Variants in UGT1A8 observed in about 807,000 individuals in gnomAD.
UGT1A8 encodes UDP glucuronosyltransferase family 1 member A8.
A neutral mutation model predicts 45.3 loss-of-function variants in UGT1A8; 39 were observed. That is an observed-to-expected ratio of 0.86 (90% CI 0.67 to 1.12). The LOEUF (loss-of-function observed/expected upper bound fraction) is 1.12. Among genes scored for constraint, UGT1A8 ranks in the 50% most tolerant of loss-of-function variants. The probability of loss-of-function intolerance (pLI) is 0.00; values close to 1 mark genes in which losing one functional copy is unlikely to be tolerated. For synonymous variants in UGT1A8, 275 were observed against 249.2 expected, an observed-to-expected ratio of 1.10 and a Z score of -0.97; for missense variants, 719 against 664.9, an observed-to-expected ratio of 1.08 and a Z score of -0.90.
At chr2:233,711,416 G>C (rs1339296798) in intron 1 of UGT1A8, among the ~76,000 whole-genome samples, 1 of 152,236 alleles carries the variant, frequency 6.6e-6, no homozygotes, top group Non-Finnish European at 1.5e-5. Flanking sequence ...GGCTCATCAG[G>C]AGGGTGCTTA....
intron 1 of UGT1A8, among the ~76,000 whole-genome samples, chr2:233,681,594 C>T (rs530753313): frequency 6.7e-6 from 1 of 149,680 alleles, no homozygotes; most frequent in Admixed American, 6.6e-5. Flanking sequence ...AAATTATTAG[C>T]TTCGTTCAAA....
chr2:233,645,743 G>A (rs2073584589), intron 1 of UGT1A8, among the ~76,000 whole-genome samples: 1 of 152,218 alleles, frequency 6.6e-6, no homozygotes, highest in Admixed American at 6.5e-5. Flanking sequence ...CTGTGGCTTT[G>A]CAGGGTACAG....
intron 1 of UGT1A8, chr2:233,637,198 A>G (rs757815108): frequency 6.2e-7 from 1 of 1,613,918 alleles, no homozygotes; most frequent in South Asian, 1.1e-5. Context: ...TCTTTTTAGA[A>G]ATGCCCTAGA....
chr2:233,672,147 T>C, intron 1 of UGT1A8: 1 of 1,614,166 alleles, frequency 6.2e-7, no homozygotes, highest in Non-Finnish European at 8.5e-7. Flanking sequence ...GATCACTGAA[T>C]TGCACAGTGA....
chr2:233,672,783 G>A (rs1355332240), intron 1 of UGT1A8: 8 of 1,613,154 alleles, frequency 5.0e-6, no homozygotes, highest in African/African-American at 1.3e-5. Flanking sequence ...GAAAGCCGTT[G>A]CCTATGGTAA....
intron 1 of UGT1A8, chr2:233,672,906 G>C: frequency 6.6e-7 from 1 of 1,506,398 alleles, no homozygotes; most frequent in Non-Finnish European, 8.8e-7. Flanking sequence ...TTTCTTTCCA[G>C]TTTAACAAAT....
At chr2:233,715,882 C>G (rs576558461) in intron 1 of UGT1A8, among the ~76,000 whole-genome samples, 42 of 152,296 alleles carry the variant, frequency 2.8e-4, no homozygotes, top group African/African-American at 9.9e-4. Flanking sequence ...CCTGTGGCCC[C>G]AGCTACTTGG....
At chr2:233,725,897 G>A (rs2077482523) in intron 1 of UGT1A8, among the ~76,000 whole-genome samples, 1 of 152,122 alleles carries the variant, frequency 6.6e-6, no homozygotes, top group Admixed American at 6.5e-5. Flanking sequence ...GCAGGTGGGT[G>A]GCTCACACCT....
chr2:233,672,002 C>T (rs201395034), intron 1 of UGT1A8: 13 of 1,614,092 alleles, frequency 8.1e-6, no homozygotes, highest in African/African-American at 1.3e-5. Flanking sequence ...TGTGGCTTTG[C>T]CGAGGCAGGG....
chr2:233,679,085 T>C (rs77349740), intron 1 of UGT1A8, among the ~76,000 whole-genome samples: 3,806 of 152,324 alleles, frequency 0.025, 77 homozygotes, highest in Non-Finnish European at 0.035. Flanking sequence ...ACCTTTTCCA[T>C]AGAAAACTGT....
chr2:233,772,563 G>A lies in UGT1A8; in HGVS notation c.*4G>A. ...CCACAAATCCAAGACCCATTGAGAA[G>A]TGGGTGGGAAATAAGGTAAAATTTT... On this transcript the variant is annotated 3_prime_UTR_variant, in exon 5 of 5. Transcript: ENST00000373450. 2 of 1,613,538 alleles carry A rather than the reference G, an allele frequency of 1.2e-6. No homozygotes were observed. Among genetic ancestry groups the A allele is most frequent in the Middle Eastern group, 1.6e-4 (1 of 6,062 alleles).
chr2:233,643,435 G>A (rs988915961), intron 1 of UGT1A8, among the ~76,000 whole-genome samples: 1 of 152,012 alleles, frequency 6.6e-6, no homozygotes, highest in African/African-American at 2.4e-5. Flanking sequence ...CCTGAGACTT[G>A]CCCTTCAAGG....
chr2:233,659,873 C>A (rs987550324), intron 1 of UGT1A8, among the ~76,000 whole-genome samples: 2 of 152,194 alleles, frequency 1.3e-5, no homozygotes, highest in African/African-American at 2.4e-5. Flanking sequence ...AATTTATTTT[C>A]TGACACTGCT....
intron 1 of UGT1A8, among the ~76,000 whole-genome samples, chr2:233,650,607 A>G (rs1302867864): frequency 6.6e-6 from 1 of 151,926 alleles, no homozygotes; most frequent in Non-Finnish European, 1.5e-5. Context: ...TCTTTTGACC[A>G]TTTTTCCCAT....
At chr2:233,713,743 A>G (rs2076342174) in intron 1 of UGT1A8, 9 of 1,613,788 alleles carry the variant, frequency 5.6e-6, no homozygotes, top group Admixed American at 3.3e-5. Flanking sequence ...CTTGTCAGCC[A>G]TGCATCTGTG....
At chr2:233,691,789 A>G (rs1475336868) in intron 1 of UGT1A8, 1 of 250,072 alleles carries the variant, frequency 4.0e-6, no homozygotes, top group African/African-American at 2.3e-5. Flanking sequence ...TACTGGCTAG[A>G]CTTATACTTC....
At chr2:233,721,208 T>A (rs1235207261) in intron 1 of UGT1A8, among the ~76,000 whole-genome samples, 1 of 152,250 alleles carries the variant, frequency 6.6e-6, no homozygotes, top group Non-Finnish European at 1.5e-5. Context: ...ACTGGTTTTC[T>A]TTTCCCCTTA....
intron 1 of UGT1A8, chr2:233,729,638 T>G (rs2077898670): frequency 6.2e-7 from 1 of 1,613,806 alleles, no homozygotes; most frequent in Admixed American, 1.7e-5. Context: ...CCTACTGTGT[T>G]TTTTTTGAGG....
intron 1 of UGT1A8, chr2:233,671,712 T>C: frequency 1.0e-6 from 1 of 989,560 alleles, no homozygotes; most frequent in Non-Finnish European, 1.4e-6. Flanking sequence ...GCAAAGACCA[T>C]AAGCTACTGT....
Sources: allele counts gnomAD v4.1 joint callset (sites outside exome capture counted in the v4.1 genomes callset), GRCh38; gene constraint gnomAD v4.1.1; transcripts MANE v1.5; gene names NCBI Gene and HGNC (gene_info 2026-07-23, HGNC 2026-07-21).